Variants in PLXDC2 observed in about 807,000 individuals in gnomAD.
PLXDC2 encodes plexin domain containing 2.
In PLXDC2, 40 loss-of-function variants were observed where a neutral mutation model predicts 68.9. The ratio of observed to expected loss-of-function variants is 0.58; its 90% CI spans 0.45 to 0.76. The LOEUF is 0.76. Among genes scored for constraint, PLXDC2 ranks in the 30% least tolerant of loss-of-function variants. PLXDC2 has a pLI of 0.00. For synonymous variants in PLXDC2, 243 were observed against 234.2 expected (o/e 1.04, Z -0.34); for missense variants, 644 against 661.9 (o/e 0.97, Z 0.30).
At chr10:19,931,325 C>T (rs761171651) in intron 1 of PLXDC2, among the ~76,000 whole-genome samples, 2 of 152,184 alleles carry the variant, frequency 1.3e-5, no homozygotes, top group African/African-American at 4.8e-5. Context: ...TGTGTGGAGG[C>T]GCTGATCTGC....
intron 1 of PLXDC2, among the ~76,000 whole-genome samples, chr10:19,856,606 T>C (rs1048311632): frequency 2.0e-5 from 3 of 152,346 alleles, no homozygotes; most frequent in African/African-American, 7.2e-5. Context: ...TTCAGAGTTT[T>C]GATGCTCATT....
rs1396618220 is a variant in PLXDC2 at position 20,177,421 on chromosome 10, A to G, written c.1061+12A>G. ...AGTAAACTTCAAAGGTAAAAATATAATAATAAGAATAATAATAAAATTTAA... is the reference window on the plus strand; with the variant it reads ...AGTAAACTTCAAAGGTAAAAATATAGTAATAAGAATAATAATAAAATTTAA... On this transcript the variant is annotated intron_variant, in intron 9 of 13. Coordinates refer to ENST00000377252, the MANE Select transcript of PLXDC2 (RefSeq NM_032812.9). The G allele has an allele frequency of 4.2e-6, 5 of 1,198,802 alleles. No individual in the cohort carries two copies. Among genetic ancestry groups the G allele is most frequent in the African/African-American group, 1.6e-5 (1 of 61,720 alleles). The allele number at this position is 1,198,802 out of a possible 1,614,324, so 74.3% of individuals were successfully genotyped here. A position where few individuals can be genotyped will look rare whatever the true frequency, so the allele number is the denominator to read the frequency against.
At position 20,286,000 on chromosome 10, in the gene PLXDC2, A is replaced by G. The variant is rs186863603; in HGVS notation, c.*6181A>G. 5.3e-5 allele frequency: 8 copies of G among 152,340 alleles called. No homozygotes were observed. The highest frequency in any genetic ancestry group is 5.2e-4 in the Admixed American group (8 of 15,304). The allele number at this position is 152,340 out of a possible 1,614,324, so 9.4% of individuals were successfully genotyped here. A position where few individuals can be genotyped will look rare whatever the true frequency, so the allele number is the denominator to read the frequency against. On this transcript the variant is annotated 3_prime_UTR_variant, in exon 14 of 14. Coordinates refer to ENST00000377252, the MANE Select transcript of PLXDC2 (RefSeq NM_032812.9). ...TCTGGAATAACTTTTCAACCATCCAATGCCCACTGCTCTCACAATGATTAT... is the reference window on the plus strand; with the variant it reads ...TCTGGAATAACTTTTCAACCATCCAGTGCCCACTGCTCTCACAATGATTAT...
intron 1 of PLXDC2, among the ~76,000 whole-genome samples, chr10:19,868,662 G>A (rs1005184238): frequency 1.3e-5 from 2 of 152,108 alleles, no homozygotes; most frequent in Non-Finnish European, 1.5e-5. Context: ...CACTACTAGT[G>A]TATATTCTGT....
Position 19,883,883 on chromosome 10 carries a change from A to ATTTTTTTTTTTTTTTTT in PLXDC2, c.112+66692_112+66693insTTTTTTTTTTTTTTTTT, listed in dbSNP as rs1564618531. Among the ~76,000 whole-genome samples the ATTTTTTTTTTTTTTTTT allele has an allele frequency of 7.2e-5, 3 of 41,902 alleles. 1 individual carries two copies. Among genetic ancestry groups the ATTTTTTTTTTTTTTTTT allele is most frequent in the Non-Finnish European group, 1.3e-4 (3 of 23,522 alleles). 27.5% of individuals were successfully genotyped at this position (41,902 alleles called of 152,430 possible). A position where few individuals can be genotyped will look rare whatever the true frequency, so the allele number is the denominator to read the frequency against. On this transcript the variant is annotated intron_variant, in intron 1 of 13. Coordinates refer to ENST00000377252, the MANE Select transcript of PLXDC2 (RefSeq NM_032812.9). The stretch of plus-strand genomic sequence containing the variant: ...TATTACTGTCTCCAGATCCCTTTAA[A>ATTTTTTTTTTTTTTTTT]CTTTTTTTTTTTTTTTTTTTTTTTT...
intron 1 of PLXDC2, among the ~76,000 whole-genome samples, chr10:19,893,756 C>T (rs1347583937): frequency 2.6e-5 from 4 of 152,196 alleles, no homozygotes; most frequent in Non-Finnish European, 4.4e-5. Context: ...CAATCCTTTA[C>T]AGCCTTTTTA....
At chr10:19,896,504 A>T (rs1251908983) in intron 1 of PLXDC2, among the ~76,000 whole-genome samples, 1 of 152,228 alleles carries the variant, frequency 6.6e-6, no homozygotes, top group Non-Finnish European at 1.5e-5. Flanking sequence ...ATAAGTCCTC[A>T]ATAAATGCTT....
chr10:19,856,782 T>A (rs1487912241), intron 1 of PLXDC2, among the ~76,000 whole-genome samples: 1 of 152,232 alleles, frequency 6.6e-6, no homozygotes, highest in Non-Finnish European at 1.5e-5. Flanking sequence ...GAAGACTTTT[T>A]ATTTATTTTC....
intron 4 of PLXDC2, among the ~76,000 whole-genome samples, chr10:20,079,419 A>T (rs1394779618): frequency 6.6e-6 from 1 of 152,236 alleles, no homozygotes; most frequent in African/African-American, 2.4e-5. Flanking sequence ...AATGTAAATT[A>T]GTTCAACCAT....
intron 1 of PLXDC2, among the ~76,000 whole-genome samples, chr10:19,915,959 C>T (rs976808755): frequency 6.6e-6 from 1 of 151,992 alleles, no homozygotes; most frequent in South Asian, 2.1e-4. Flanking sequence ...TTTCCCTTCC[C>T]TCTATCTCAG....
At chr10:20,056,133 C>A (rs1253375820) in intron 3 of PLXDC2, among the ~76,000 whole-genome samples, 1 of 152,126 alleles carries the variant, frequency 6.6e-6, no homozygotes, top group East Asian at 1.9e-4. Context: ...TCTGTCCTGC[C>A]TACCACATAC....
intron 3 of PLXDC2, among the ~76,000 whole-genome samples, chr10:20,057,137 T>C (rs1278472442): frequency 6.6e-6 from 1 of 152,174 alleles, no homozygotes; most frequent in Non-Finnish European, 1.5e-5. Context: ...ATAACATGAG[T>C]GTAAAACATA....
Position 19,816,817 on chromosome 10 carries a change from T to G in PLXDC2, c.-263T>G, listed in dbSNP as rs926999811. ...GCAAGTGGCCTCTCCTCCCCGCGGTTGTTGTTCAGTGTCGGGTGAGGGCTG... is the reference window on the plus strand; with the variant it reads ...GCAAGTGGCCTCTCCTCCCCGCGGTGGTTGTTCAGTGTCGGGTGAGGGCTG... On this transcript the variant is annotated 5_prime_UTR_variant, in exon 1 of 14. Transcript: ENST00000377252. 1.9e-6 allele frequency: 1 copy of G among 526,028 alleles called. No individual in the cohort carries two copies. The highest frequency in any genetic ancestry group is 3.4e-6 in the Non-Finnish European group (1 of 296,002). 32.6% of individuals were successfully genotyped at this position (526,028 alleles called of 1,614,324 possible).
chr10:20,078,969 T>A (rs143513126), intron 4 of PLXDC2, among the ~76,000 whole-genome samples: 14 of 152,278 alleles, frequency 9.2e-5, no homozygotes, highest in African/African-American at 3.4e-4. Context: ...AGAATTATTT[T>A]ATAATCCTGA....
In PLXDC2 at chr10:20,002,014, T is replaced by C. The variant is rs377271252; in HGVS notation, c.324+28T>C. ...AGATAAATAGTCTGGGTAATTGAAA[T>C]GGATTAATGAATTTATTTCATGTAG... On this transcript the variant is annotated intron_variant, in intron 2 of 13. Transcript: ENST00000377252. 7.5e-6 allele frequency: 12 copies of C among 1,593,754 alleles called. No individual in the cohort carries two copies. The African/African-American group carries it at 1.3e-4, about 18-fold the overall frequency.
chr10:19,854,725 GT>G (rs879632553), intron 1 of PLXDC2, among the ~76,000 whole-genome samples: 2 of 152,144 alleles, frequency 1.3e-5, no homozygotes, highest in Non-Finnish European at 2.9e-5. Flanking sequence ...GTGTCTTTGG[GT>G]AATTGGTGCC....
chr10:20,021,371 A>G (rs2131657960), intron 2 of PLXDC2, among the ~76,000 whole-genome samples: 1 of 152,212 alleles, frequency 6.6e-6, no homozygotes, highest in African/African-American at 2.4e-5. Flanking sequence ...TTCATCATCT[A>G]GGTTTTCAGC....
chr10:20,022,984 C>T (rs4311961), intron 2 of PLXDC2, among the ~76,000 whole-genome samples: 125,501 of 151,316 alleles, frequency 0.83, 52,164 homozygotes, highest in East Asian at 0.87. Flanking sequence ...GAGACAAACA[C>T]TGTGGCAGTG....
chr10:19,948,432 C>G (rs1833940329), intron 1 of PLXDC2, among the ~76,000 whole-genome samples: 1 of 145,170 alleles, frequency 6.9e-6, no homozygotes, highest in Admixed American at 7.0e-5. Context: ...GTGTAGTGCT[C>G]TCAGTTAAGA....
Sources: gnomAD v4.1 joint callset for allele counts (sites outside exome capture counted in the v4.1 genomes callset) on GRCh38, gnomAD v4.1.1 for gene constraint, MANE v1.5 for transcripts, NCBI Gene and HGNC (gene_info 2026-07-23, HGNC 2026-07-21) for gene names.